The following AGO1 variants were observed in gnomAD, a reference collection of about 807,000 sequenced individuals.
The protein encoded by AGO1 is protein argonaute-1.
Under a neutral mutation model 109.2 loss-of-function variants are expected in AGO1, and 11 were observed. That is an observed-to-expected ratio of 0.10 (90% CI 0.06 to 0.17). The LOEUF is 0.17. Among genes scored for constraint, AGO1 ranks in the 10% least tolerant of loss-of-function variants. The probability of loss-of-function intolerance (pLI) is 1.00; values close to 1 mark genes in which losing one functional copy is unlikely to be tolerated. For missense variants in AGO1, 574 were observed against 1,140.3 expected, an observed-to-expected ratio of 0.50 and a Z score of 7.15; for synonymous variants, 422 against 418.6, an observed-to-expected ratio of 1.01 and a Z score of -0.10.
Position 35,893,594 on chromosome 1 carries a change from C to A in AGO1, c.513-80C>A. 1 of 1,447,312 alleles carries A rather than the reference C, an allele frequency of 6.9e-7. No homozygotes were observed. The highest frequency in any genetic ancestry group is 9.3e-7 in the Non-Finnish European group (1 of 1,078,488). The allele number at this position is 1,447,312 out of a possible 1,614,324, so 89.7% of individuals were successfully genotyped here. On this transcript the variant is annotated intron_variant, in intron 4 of 18. Coordinates refer to ENST00000373204, the MANE Select transcript of AGO1 (RefSeq NM_012199.5). This position sits in a 1 kb window ranked among gnomAD's most constrained non-coding sequence, Gnocchi z 5.6. ...AGCCCCGGTGTCCTGCCTTTCAGGC[C>A]AGGGCTCCTCCGTGCCCAGGATGCC...
chr1:35,916,504 G>T (rs1399174111), intron 15 of AGO1, among the ~76,000 whole-genome samples: 1 of 152,016 alleles, frequency 6.6e-6, no homozygotes, highest in Non-Finnish European at 1.5e-5. Context: ...AGTAGCTGGG[G>T]CTATAGGTAT....
upstream of AGO1, among the ~76,000 whole-genome samples, chr1:35,880,904 C>T (rs1242773774): frequency 6.6e-6 from 1 of 152,178 alleles, no homozygotes. Flanking sequence ...AGGTGATCTG[C>T]CTGCCTTGGT....
chr1:35,893,139 A>C lies in AGO1; in HGVS notation c.373A>C (p.Ile125Leu). The change falls in exon 4 of 19, where the codon ATC becomes CTC. Residue 125 changes from isoleucine to leucine, a missense_variant. Physicochemically the swap from Ile to Leu is conservative, Grantham distance 5. Coordinates refer to ENST00000373204, the MANE Select transcript of AGO1 (RefSeq NM_012199.5). This position sits in a 1 kb window ranked among gnomAD's most constrained non-coding sequence, Gnocchi z 5.6. ...AATCCCTGGGGAAGGGAAGGATCGAATCTTTAAGGTCTCCATCAAGTGGCT... is the reference window on the plus strand; with the variant it reads ...AATCCCTGGGGAAGGGAAGGATCGACTCTTTAAGGTCTCCATCAAGTGGCT... ...VTIPGEGKDR[I>L]FKVSIKWLAI... The C allele has an allele frequency of 6.2e-7, 1 of 1,614,076 alleles. No homozygotes were observed. Among genetic ancestry groups the C allele is most frequent in the Non-Finnish European group, 8.5e-7 (1 of 1,180,000 alleles).
At chr1:35,894,577 G>A (rs1170520240) in intron 7 of AGO1, among the ~76,000 whole-genome samples, 175 bp downstream of exon 7, 1 of 151,958 alleles carries the variant, frequency 6.6e-6, no homozygotes, top group East Asian at 1.9e-4. Context: ...TCTCTGATCT[G>A]TTGATACTCT....
At chr1:35,904,177 C>G (rs1196559894) in intron 11 of AGO1, among the ~76,000 whole-genome samples, 2 of 143,982 alleles carry the variant, frequency 1.4e-5, no homozygotes, top group Non-Finnish European at 3.0e-5. Flanking sequence ...GCCATCTCGG[C>G]TCACTGCAAG....
At chr1:35,882,751 C>G (rs1645050237), upstream of AGO1, 1 of 956,874 alleles carries the variant, frequency 1.0e-6, no homozygotes. The surrounding 1 kb of genome is among the most constrained non-coding windows in gnomAD (Gnocchi z 5.1). Context: ...AGTTCAGTGA[C>G]TAGGGACGGA....
rs760951179 is a variant in AGO1, at chr1:35,888,448, C to G, written c.47C>G (p.Pro16Arg). 5 of 1,614,144 alleles carry G rather than the reference C, an allele frequency of 3.1e-6. No individual in the cohort carries two copies. In the Admixed American group the frequency reaches 8.3e-5, roughly 27 times the overall value. ...GTAGCTGCGGGCGCTTACCTGCCCC[C>G]CCTGCAGCAGGTGTTCCAGGCACCT... Reference protein sequence around the residue: ...SGAAAGAYLPPLQQVFQAPRR... With the variant: ...SGAAAGAYLPRLQQVFQAPRR... Residue 16 changes from proline to arginine, a missense_variant, in exon 2 of 19, where the codon CCC (proline) becomes CGC (arginine). Physicochemically the swap from Pro to Arg is moderately radical, Grantham distance 103. Transcript: ENST00000373204. The surrounding 1 kb of genome is among the most constrained non-coding windows in gnomAD (Gnocchi z 4.1).
At chr1:35,908,657 ACTT>A (rs2148719902) in intron 12 of AGO1, among the ~76,000 whole-genome samples, 1 of 152,098 alleles carries the variant, frequency 6.6e-6, no homozygotes, top group Non-Finnish European at 1.5e-5. Flanking sequence ...TGTCTTTACT[ACTT>A]CTGTATTTGA....
In AGO1 at chr1:35,928,621, T is replaced by A. The variant is rs1424657866; in HGVS notation, c.*9014T>A. 2 of 152,208 alleles carry A rather than the reference T, an allele frequency of 1.3e-5. No homozygotes were observed. The highest frequency in any genetic ancestry group is 2.9e-5 in the Non-Finnish European group (2 of 68,034). 9.4% of individuals were successfully genotyped at this position (152,208 alleles called of 1,614,324 possible). On this transcript the variant is annotated 3_prime_UTR_variant, in exon 19 of 19. Coordinates refer to ENST00000373204, the MANE Select transcript of AGO1 (RefSeq NM_012199.5). ...TACCTGTTTCAAAATTGAGTTTTAT[T>A]GAGTTGTAAGAGTTCTTTATTCATT...
At chr1:35,882,866 G>T (rs989601589), upstream of AGO1, 2 of 985,294 alleles carry the variant, frequency 2.0e-6, no homozygotes, top group African/African-American at 1.7e-5. The surrounding 1 kb of genome is among the most constrained non-coding windows in gnomAD (Gnocchi z 5.1). Flanking sequence ...AGTGCCAGGG[G>T]GTCTGGGAAT....
intron 1 of AGO1, among the ~76,000 whole-genome samples, chr1:35,870,653 T>G (rs1368568988): frequency 6.6e-6 from 1 of 152,224 alleles, no homozygotes; most frequent in Non-Finnish European, 1.5e-5. Context: ...TCCTCCCTAC[T>G]GAGAGAGAAA....
At position 35,925,180 on chromosome 1, in the gene AGO1, T is replaced by C. The variant is rs1645904086; in HGVS notation, c.*5573T>C. On this transcript the variant is annotated 3_prime_UTR_variant, in exon 19 of 19. Coordinates refer to ENST00000373204, the MANE Select transcript of AGO1 (RefSeq NM_012199.5). Reference sequence around the variant, plus strand: ...GGGAGTGATTAACAACATGAACTGCTGCAGAGAGGGAGTTCTTTTTTTTTC... The same window carrying C: ...GGGAGTGATTAACAACATGAACTGCCGCAGAGAGGGAGTTCTTTTTTTTTC... 1 of 151,922 alleles carries C rather than the reference T, an allele frequency of 6.6e-6. No homozygotes were observed. The highest frequency in any genetic ancestry group is 1.5e-5 in the Non-Finnish European group (1 of 67,970). 9.4% of individuals were successfully genotyped at this position (151,922 alleles called of 1,614,324 possible). A position where few individuals can be genotyped will look rare whatever the true frequency, so the allele number is the denominator to read the frequency against.
intron 2 of AGO1, among the ~76,000 whole-genome samples, chr1:35,891,138 C>A (rs1254457840): frequency 6.6e-6 from 1 of 152,152 alleles, no homozygotes; most frequent in South Asian, 2.1e-4. Flanking sequence ...TAGAAGTAAT[C>A]AGGGACATGA....
At position 35,901,443 on chromosome 1, in the gene AGO1, C is replaced by T; in HGVS notation, c.1021-31C>T. On this transcript the variant is annotated intron_variant, in intron 8 of 18. Transcript: ENST00000373204. The surrounding 1 kb of genome is among the most constrained non-coding windows in gnomAD (Gnocchi z 4.8). ...GGGTACAGGGTGGACTGTACTCAAG[C>T]CAGAGCTACCTGTCCTTCTTGTTTC... The T allele has an allele frequency of 6.2e-7, 1 of 1,613,566 alleles. No individual in the cohort carries two copies.
chr1:35,904,319 A>G (rs1374559031), intron 11 of AGO1, among the ~76,000 whole-genome samples: 2 of 151,842 alleles, frequency 1.3e-5, no homozygotes. Context: ...GTTAACCAGG[A>G]TGGTCTCGAT....
At chr1:35,918,457 C>T in intron 17 of AGO1, 34 bp downstream of exon 17, 2 of 1,505,298 alleles carry the variant, frequency 1.3e-6, no homozygotes, top group Non-Finnish European at 1.9e-6. Context: ...TCCAATGGGT[C>T]AAAGATGAGT....
chr1:35,883,441 G>A lies in AGO1; in HGVS notation c.20G>A (p.Gly7Glu), dbSNP rs761778204. ...TATGGGATGGAAGCGGGACCCTCGG[G>A]AGCAGGTAAGGGTCCCCAGGAGGGG... Reference protein sequence around the residue: MEAGPSGAAAGAYLPPL... With the variant: MEAGPSEAAAGAYLPPL... The change falls in exon 1 of 19, where the codon GGA becomes GAA. Residue 7 changes from glycine (G) to glutamate (E), a missense_variant. By Grantham distance (98) the Gly-to-Glu change is moderately conservative (BLOSUM62 -2). Coordinates refer to ENST00000373204, the MANE Select transcript of AGO1 (RefSeq NM_012199.5). The surrounding 1 kb of genome is among the most constrained non-coding windows in gnomAD (Gnocchi z 5.4). 1.3e-6 allele frequency: 2 copies of A among 1,568,336 alleles called. No individual in the cohort carries two copies. Among genetic ancestry groups the A allele is most frequent in the Non-Finnish European group, 8.6e-7 (1 of 1,160,900 alleles).
chr1:35,883,163 T>G, upstream of AGO1: 1 of 1,140,234 alleles, frequency 8.8e-7, no homozygotes, highest in African/African-American at 1.6e-5. The surrounding 1 kb of genome is among the most constrained non-coding windows in gnomAD (Gnocchi z 5.4). Context: ...GCGCCCCGCT[T>G]GACTCGTTCC....
intron 2 of AGO1, among the ~76,000 whole-genome samples, chr1:35,892,257 C>G (rs530414422): frequency 1.8e-4 from 27 of 152,284 alleles, no homozygotes; most frequent in Non-Finnish European, 3.2e-4. Context: ...TCAGAAGGCA[C>G]TCACACCACT....
Sources: allele counts gnomAD v4.1 joint callset (sites outside exome capture counted in the v4.1 genomes callset), GRCh38; gene constraint gnomAD v4.1.1; non-coding constraint Gnocchi (gnomAD v3.1); transcripts MANE v1.5; gene names NCBI Gene and HGNC (gene_info 2026-07-23, HGNC 2026-07-21).